NKAIN3: variants seen among roughly 807,000 people sequenced by gnomAD.
The protein encoded by NKAIN3 is sodium/potassium-transporting ATPase subunit beta-1-interacting protein 3.
Under a neutral mutation model 30.2 loss-of-function variants are expected in NKAIN3, and 25 were observed. That is an observed-to-expected ratio of 0.83 (90% confidence interval 0.60 to 1.16). NKAIN3 has a LOEUF of 1.16. Among genes scored for constraint, NKAIN3 ranks in the 50% most tolerant of loss-of-function variants. NKAIN3 has a pLI of 0.00. For missense variants in NKAIN3, 225 were observed against 254.1 expected (o/e 0.89, Z 0.78); for synonymous variants, 91 against 89.6 (o/e 1.02, Z -0.09).
intron 1 of NKAIN3, among the ~76,000 whole-genome samples, chr8:62,456,031 T>C (rs1272136870): frequency 6.6e-6 from 1 of 152,222 alleles, no homozygotes; most frequent in Non-Finnish European, 1.5e-5. Flanking sequence ...GGATGATTCA[T>C]GTCTCCAGTT....
At chr8:62,920,837 A>G (rs1450048681) in intron 5 of NKAIN3, among the ~76,000 whole-genome samples, 1 of 152,268 alleles carries the variant, frequency 6.6e-6, no homozygotes, top group Non-Finnish European at 1.5e-5. Context: ...TATATGCCAA[A>G]GACTAACTTA....
chr8:62,490,864 A>G (rs1298694743), intron 1 of NKAIN3, among the ~76,000 whole-genome samples: 3 of 152,188 alleles, frequency 2.0e-5, no homozygotes, highest in African/African-American at 7.2e-5. Context: ...CTGAAGCTCC[A>G]TTACATTAAC....
chr8:62,318,682 C>G (rs1814751750), intron 1 of NKAIN3, among the ~76,000 whole-genome samples: 1 of 152,178 alleles, frequency 6.6e-6, no homozygotes, highest in Admixed American at 6.5e-5. Context: ...AGGGTTGAAG[C>G]CCACTTGATC....
chr8:62,807,470 A>G (rs1238252624), intron 4 of NKAIN3, among the ~76,000 whole-genome samples: 4 of 151,330 alleles, frequency 2.6e-5, no homozygotes, highest in African/African-American at 9.7e-5. Flanking sequence ...GGACTGATCA[A>G]CTTTCTTCTC....
At chr8:62,375,192 C>T (rs1817035837) in intron 1 of NKAIN3, among the ~76,000 whole-genome samples, 1 of 152,170 alleles carries the variant, frequency 6.6e-6, no homozygotes, top group Admixed American at 6.5e-5. Flanking sequence ...CATTTAAACT[C>T]AGAGATTTAA....
rs139673306 is a variant in NKAIN3, at chr8:62,466,712, A to T, written c.55-112827A>T. On this transcript the variant is annotated intron_variant, in intron 1 of 6. Transcript: ENST00000623646. ...TGTTGCCATAGCACATGGTACAAAG[A>T]TGAATTCTGCCATAGGATAAACTTA... Among the ~76,000 whole-genome samples the T allele has an allele frequency of 1.1e-4, 17 of 152,334 alleles. No individual in the cohort carries two copies. In the East Asian group the frequency reaches 3.3e-3, roughly 29 times the overall value.
chr8:62,790,541 T>C (rs1165132473), intron 4 of NKAIN3, among the ~76,000 whole-genome samples: 3 of 151,054 alleles, frequency 2.0e-5, no homozygotes, highest in Non-Finnish European at 4.4e-5. Flanking sequence ...AGCAAGAGGC[T>C]CTTTTCCTTG....
At chr8:62,526,547 A>G (rs1327623145) in intron 1 of NKAIN3, among the ~76,000 whole-genome samples, 1 of 152,188 alleles carries the variant, frequency 6.6e-6, no homozygotes, top group African/African-American at 2.4e-5. Flanking sequence ...TATATTTGAC[A>G]CATGCCTCTC....
chr8:62,861,302 C>A (rs1276989065), intron 4 of NKAIN3, among the ~76,000 whole-genome samples: 1 of 152,214 alleles, frequency 6.6e-6, no homozygotes, highest in Non-Finnish European at 1.5e-5. Flanking sequence ...TGGGTGAAAA[C>A]ACCATGAACA....
intron 1 of NKAIN3, among the ~76,000 whole-genome samples, chr8:62,499,170 A>G (rs967220067): frequency 2.0e-5 from 3 of 152,182 alleles, no homozygotes; most frequent in Non-Finnish European, 4.4e-5. Context: ...GACTAGGCGT[A>G]AACTGCTGTG....
chr8:62,680,423 G>T (rs1318428901), intron 3 of NKAIN3, among the ~76,000 whole-genome samples: 1 of 152,068 alleles, frequency 6.6e-6, no homozygotes, highest in Non-Finnish European at 1.5e-5. Context: ...GTTATAGCAG[G>T]CATAGAAAAC....
At chr8:62,305,758 T>A (rs1659880348) in intron 1 of NKAIN3, among the ~76,000 whole-genome samples, 1 of 150,536 alleles carries the variant, frequency 6.6e-6, no homozygotes, top group Admixed American at 6.6e-5. Context: ...GCTGGCCTTC[T>A]CCTTCTGGGT....
At chr8:62,553,749 G>C (rs1175778314) in intron 1 of NKAIN3, among the ~76,000 whole-genome samples, 1 of 151,798 alleles carries the variant, frequency 6.6e-6, no homozygotes, top group Non-Finnish European at 1.5e-5. Context: ...TGTTGGCCAG[G>C]CTGGTCTTGA....
At chr8:62,707,056 T>TACAC (rs35879987) in intron 3 of NKAIN3, among the ~76,000 whole-genome samples, 2,364 of 143,384 alleles carry the variant, frequency 0.016, 18 homozygotes, top group Non-Finnish European at 0.021. Flanking sequence ...CATACATACA[T>TACAC]ACACACACAC....
intron 1 of NKAIN3, among the ~76,000 whole-genome samples, chr8:62,416,375 C>T (rs1212109599): frequency 2.0e-5 from 3 of 152,042 alleles, no homozygotes; most frequent in African/African-American, 7.2e-5. Context: ...CGTTTTTATT[C>T]TCCTTCAAAA....
intron 4 of NKAIN3, among the ~76,000 whole-genome samples, chr8:62,852,430 G>C (rs1241768946): frequency 5.3e-5 from 8 of 152,006 alleles, no homozygotes; most frequent in Non-Finnish European, 8.8e-5. Flanking sequence ...ATTTTTTGAA[G>C]GGTTTTTTCT....
intron 4 of NKAIN3, among the ~76,000 whole-genome samples, chr8:62,809,049 GAA>G (rs977395569): frequency 1.3e-5 from 2 of 152,098 alleles, no homozygotes; most frequent in African/African-American, 4.8e-5. Context: ...TCCTTGGTGA[GAA>G]AAAGAATTCA....
intron 3 of NKAIN3, among the ~76,000 whole-genome samples, chr8:62,710,271 C>T (rs1247876229): frequency 1.3e-5 from 2 of 152,046 alleles, no homozygotes; most frequent in African/African-American, 4.8e-5. Context: ...ATCATTATTT[C>T]TTTGTTGACT....
At chr8:62,545,343 G>T (rs1206576318) in intron 1 of NKAIN3, among the ~76,000 whole-genome samples, 1 of 152,094 alleles carries the variant, frequency 6.6e-6, no homozygotes, top group Non-Finnish European at 1.5e-5. Context: ...CCAACACTTT[G>T]GGAGGCTTGA....
Sources: allele counts gnomAD v4.1 joint callset (sites outside exome capture counted in the v4.1 genomes callset), GRCh38; gene constraint gnomAD v4.1.1; transcripts MANE v1.5; gene names NCBI Gene and HGNC (gene_info 2026-07-23, HGNC 2026-07-21).